ERG: variants seen among roughly 807,000 people sequenced by gnomAD.
ERG encodes the protein ETS transcription factor ERG, also known as transcriptional regulator ERG.
A neutral mutation model predicts 55.3 loss-of-function variants in ERG; 9 were observed. The observed-to-expected ratio is 0.16, with a 90% CI of 0.10 to 0.28. The LOEUF (loss-of-function observed/expected upper bound fraction) is 0.28. ERG is among the 10% of genes least tolerant of loss of function. ERG has a pLI of 1.00. For synonymous variants in ERG, 223 were observed against 237.3 expected (o/e 0.94, Z 0.55); for missense variants, 434 against 631.6 (o/e 0.69, Z 3.35).
At chr21:38,378,214 G>C (rs550904356), downstream of ERG, among the ~76,000 whole-genome samples, 19 of 152,298 alleles carry the variant, frequency 1.2e-4, no homozygotes, top group African/African-American at 4.3e-4. Context: ...TCTATGTATG[G>C]ACAACACTTA....
upstream of ERG, among the ~76,000 whole-genome samples, chr21:38,585,869 G>A (rs2060060912): frequency 6.6e-6 from 1 of 151,424 alleles, no homozygotes; most frequent in Non-Finnish European, 1.5e-5. Flanking sequence ...AGCATTTGTT[G>A]TGATACAGAA....
At position 38,382,762 on chromosome 21, in the gene ERG, A is replaced by G; in HGVS notation, c.*641T>C. On this transcript the variant is annotated 3_prime_UTR_variant, in exon 10 of 10. Transcript: ENST00000288319. ...CATCCTCAGTCCCACCTTTTAGTTC[A>G]TAGTCCCGGTAATACTGTAAAGGAG... The G allele has an allele frequency of 9.4e-7, 1 of 1,066,144 alleles. No individual in the cohort carries two copies. Among genetic ancestry groups the G allele is most frequent in the Non-Finnish European group, 1.1e-6 (1 of 879,564 alleles). The allele number at this position is 1,066,144 out of a possible 1,614,324, so 66.0% of individuals were successfully genotyped here.
Position 38,460,747 on chromosome 21 carries a change from G to A in ERG, c.19-15126C>T, listed in dbSNP as rs1036490155. On this transcript the variant is annotated intron_variant, in intron 1 of 9. Coordinates refer to ENST00000288319, the MANE Select transcript of ERG (RefSeq NM_182918.4). The surrounding 1 kb of genome is among the most constrained non-coding windows in gnomAD (Gnocchi z 5.0). Reference sequence around the variant, plus strand: ...ACTTGTGGCAACTGAAAGGAATAACGGCACCAAAGTATTCCCCTGCCCTGA... The same window carrying A: ...ACTTGTGGCAACTGAAAGGAATAACAGCACCAAAGTATTCCCCTGCCCTGA... Among the ~76,000 whole-genome samples the A allele has an allele frequency of 7.9e-5, 12 of 152,306 alleles. No individual in the cohort carries two copies. The highest frequency in any genetic ancestry group is 2.1e-4 in the South Asian group (1 of 4,830).
At chr21:38,504,187 A>G (rs550765218) in intron 2 of ERG, among the ~76,000 whole-genome samples, 1 of 152,368 alleles carries the variant, frequency 6.6e-6, no homozygotes, top group Non-Finnish European at 1.5e-5. Flanking sequence ...AAACCAAGGA[A>G]ACTGTTATCA....
chr21:38,611,194 G>A (rs1015935157), intron 1 of ERG, among the ~76,000 whole-genome samples: 4 of 152,210 alleles, frequency 2.6e-5, no homozygotes, highest in South Asian at 2.1e-4. Context: ...AACGTCCCTG[G>A]TCCAGGCCAC....
chr21:38,475,638 C>T (rs938245327), intron 1 of ERG, among the ~76,000 whole-genome samples: 1 of 152,194 alleles, frequency 6.6e-6, no homozygotes, highest in South Asian at 2.1e-4. Flanking sequence ...CAGGCCTTGC[C>T]TGATCATGTT....
intron 1 of ERG, among the ~76,000 whole-genome samples, chr21:38,648,829 CT>C (rs2060472214): frequency 6.6e-6 from 1 of 152,240 alleles, no homozygotes; most frequent in Non-Finnish European, 1.5e-5. Context: ...GACTCGCTGG[CT>C]TGTTTCTTTT....
intron 6 of ERG, 56 bp downstream of exon 6, chr21:38,400,518 A>T: frequency 7.2e-7 from 1 of 1,382,690 alleles, no homozygotes; most frequent in Non-Finnish European, 1.0e-6. Flanking sequence ...CACGGATCTC[A>T]GCAGGACATC....
At chr21:38,650,282 G>A (rs1413416499) in intron 1 of ERG, among the ~76,000 whole-genome samples, 1 of 152,204 alleles carries the variant, frequency 6.6e-6, no homozygotes, top group Non-Finnish European at 1.5e-5. Flanking sequence ...ATGTGAATGA[G>A]TAAGAATCTG....
chr21:38,603,650 A>G (rs958336225), intron 1 of ERG, among the ~76,000 whole-genome samples: 1 of 152,000 alleles, frequency 6.6e-6, no homozygotes, highest in African/African-American at 2.4e-5. Flanking sequence ...ATTCCCCTTA[A>G]GTAAGTCTCT....
At chr21:38,610,860 GACA>G (rs766042635) in intron 1 of ERG, among the ~76,000 whole-genome samples, 17 of 152,194 alleles carry the variant, frequency 1.1e-4, no homozygotes, top group Non-Finnish European at 1.6e-4. Flanking sequence ...ACTGGCCAAG[GACA>G]ACAAGAATAG....
intron 2 of ERG, among the ~76,000 whole-genome samples, chr21:38,518,232 GTGTGTATC>G (rs2059566572): frequency 7.2e-6 from 1 of 139,424 alleles, no homozygotes; most frequent in Admixed American, 7.8e-5. Context: ...CTATGTGTGT[GTGTGTATC>G]TATCTATCTA....
upstream of ERG, among the ~76,000 whole-genome samples, chr21:38,585,558 T>TTTTTAAA (rs2060058811): frequency 7.0e-6 from 1 of 143,292 alleles, no homozygotes; most frequent in African/African-American, 2.6e-5. Context: ...TTTTTTTTTT[T>TTTTTAAA]AGATACAGGA....
intron 1 of ERG, among the ~76,000 whole-genome samples, chr21:38,496,567 C>A (rs544107718): frequency 1.3e-5 from 2 of 152,154 alleles, no homozygotes; most frequent in Non-Finnish European, 2.9e-5. Context: ...AAAAAAAATT[C>A]ACCTGTAGTC....
At chr21:38,503,259 T>A (rs1439619044), upstream of ERG, among the ~76,000 whole-genome samples, 1 of 152,142 alleles carries the variant, frequency 6.6e-6, no homozygotes, top group Non-Finnish European at 1.5e-5. Flanking sequence ...ATCTGAAAAA[T>A]ACAGGCATGT....
At chr21:38,571,540 TA>T (rs890600473) in intron 2 of ERG, among the ~76,000 whole-genome samples, 8 of 151,192 alleles carry the variant, frequency 5.3e-5, no homozygotes, top group African/African-American at 1.9e-4. Flanking sequence ...AAATAATAAA[TA>T]AAAAATTTTT....
intron 1 of ERG, among the ~76,000 whole-genome samples, chr21:38,575,902 C>T (rs186691726): frequency 1.6e-4 from 24 of 152,346 alleles, no homozygotes; most frequent in African/African-American, 5.1e-4. Context: ...TACGTGTGGT[C>T]CATGAGGTGA....
At chr21:38,404,772 T>C (rs550055489) in intron 3 of ERG, among the ~76,000 whole-genome samples, 1 of 152,356 alleles carries the variant, frequency 6.6e-6, no homozygotes, top group African/African-American at 2.4e-5. Context: ...TGCCAGGATG[T>C]TCCAGTCCTC....
intron 2 of ERG, among the ~76,000 whole-genome samples, chr21:38,511,684 C>T (rs951808796): frequency 6.6e-6 from 1 of 152,142 alleles, no homozygotes; most frequent in South Asian, 2.1e-4. Context: ...AAAATTAACA[C>T]AAATTGGTAC....
Sources: gnomAD v4.1 joint callset for allele counts (sites outside exome capture counted in the v4.1 genomes callset) on GRCh38, gnomAD v4.1.1 for gene constraint, Gnocchi (gnomAD v3.1) non-coding constraint, MANE v1.5 for transcripts, NCBI Gene and HGNC (gene_info 2026-07-23, HGNC 2026-07-21) for gene names.